The following BCL2L13 variants were observed in gnomAD, a reference collection of about 807,000 sequenced individuals.
BCL2L13 encodes the protein BCL2 like 13, also known as bcl-2-like protein 13.
BCL2L13 carries 13 observed loss-of-function variants against 25.8 expected under a neutral mutation model. The ratio of observed to expected loss-of-function variants is 0.50; its 90% CI spans 0.33 to 0.80. BCL2L13 has a LOEUF of 0.80. Among genes scored for constraint, BCL2L13 ranks in the 30% least tolerant of loss-of-function variants. BCL2L13 has a pLI of 0.02. For synonymous variants in BCL2L13, 244 were observed against 230.3 expected, an observed-to-expected ratio of 1.06 and a Z score of -0.54; for missense variants, 504 against 574.9, an observed-to-expected ratio of 0.88 and a Z score of 1.26.
At chr22:17,687,818 C>CCT (rs1568975234) in intron 3 of BCL2L13, among the ~76,000 whole-genome samples, 5 of 130,710 alleles carry the variant, frequency 3.8e-5, no homozygotes, top group African/African-American at 1.1e-4. Context: ...CACCCGGCCC[C>CCT]TTTTTTTTTT....
intron 2 of BCL2L13, among the ~76,000 whole-genome samples, chr22:17,660,005 G>A (rs1359600980): frequency 6.8e-6 from 1 of 146,026 alleles, no homozygotes; most frequent in Non-Finnish European, 1.6e-5. Flanking sequence ...ACAGGCACGC[G>A]CCACTGCGCC....
intron 2 of BCL2L13, among the ~76,000 whole-genome samples, chr22:17,672,091 A>G (rs2059436058): frequency 6.6e-6 from 1 of 152,174 alleles, no homozygotes; most frequent in Non-Finnish European, 1.5e-5. Context: ...GAACAATTGA[A>G]CCATTCTGTC....
At chr22:17,706,533 G>T (rs556341274) in intron 6 of BCL2L13, 1 of 303,646 alleles carries the variant, frequency 3.3e-6, no homozygotes, top group African/African-American at 2.3e-5. Context: ...ATAATGATGT[G>T]AAAGTGTTTT....
intron 1 of BCL2L13, among the ~76,000 whole-genome samples, chr22:17,650,920 C>G (rs991122090): frequency 1.5e-4 from 23 of 151,800 alleles, no homozygotes; most frequent in Non-Finnish European, 1.5e-5. Flanking sequence ...CTCAAGCAGT[C>G]CTCTTGCCTC....
upstream of BCL2L13, among the ~76,000 whole-genome samples, chr22:17,635,414 A>G (rs1033638745): frequency 6.7e-6 from 1 of 148,562 alleles, no homozygotes; most frequent in Admixed American, 6.7e-5. Context: ...CAAATACCAT[A>G]AACTGCTGTG....
At chr22:17,670,038 G>A (rs1158405383) in intron 2 of BCL2L13, among the ~76,000 whole-genome samples, 2 of 152,088 alleles carry the variant, frequency 1.3e-5, no homozygotes, top group African/African-American at 4.8e-5. Context: ...TTCTCCCATT[G>A]GTTGACCTTG....
intron 2 of BCL2L13, among the ~76,000 whole-genome samples, chr22:17,680,611 G>C (rs2059721941): frequency 6.6e-6 from 1 of 151,048 alleles, no homozygotes; most frequent in South Asian, 2.1e-4. Flanking sequence ...TTCTCCAGCT[G>C]GCTCTCCGAG....
chr22:17,661,200 C>T (rs2059055045), intron 2 of BCL2L13, among the ~76,000 whole-genome samples: 1 of 145,968 alleles, frequency 6.9e-6, no homozygotes. Flanking sequence ...TCAAGCAATT[C>T]TCCTGCCTCA....
chr22:17,717,317 A>G (rs1410596533), intron 6 of BCL2L13, among the ~76,000 whole-genome samples: 2 of 146,148 alleles, frequency 1.4e-5, no homozygotes, highest in Non-Finnish European at 3.0e-5. Context: ...AAAATACAAA[A>G]ATTAGAAGAG....
At chr22:17,715,171 T>TATATATATATATATATATATA (rs1183781107) in intron 6 of BCL2L13, among the ~76,000 whole-genome samples, 1 of 6,630 alleles carries the variant, frequency 1.5e-4, no homozygotes, top group South Asian at 7.4e-3. Flanking sequence ...TATATATATA[T>TATATATATATATATATATATA]TTTTTTTTTT....
intron 2 of BCL2L13, among the ~76,000 whole-genome samples, chr22:17,660,599 A>G (rs1270705398): frequency 4.9e-5 from 7 of 143,882 alleles, no homozygotes; most frequent in African/African-American, 1.7e-4. Context: ...TAATTTTTTT[A>G]TTTTTCGTAG....
chr22:17,714,344 TG>T (rs2060852525), intron 6 of BCL2L13, among the ~76,000 whole-genome samples: 1 of 151,016 alleles, frequency 6.6e-6, no homozygotes, highest in Non-Finnish European at 1.5e-5. Flanking sequence ...CCCAGCTACT[TG>T]GGAGGCTGAG....
intron 2 of BCL2L13, among the ~76,000 whole-genome samples, chr22:17,674,229 CAGAATT>C (rs1037635158): frequency 1.3e-5 from 2 of 152,200 alleles, no homozygotes; most frequent in Admixed American, 6.5e-5. Flanking sequence ...CAAGGATAGA[CAGAATT>C]TGAATTATCA....
upstream of BCL2L13, among the ~76,000 whole-genome samples, chr22:17,635,087 C>T (rs1051244310): frequency 2.6e-5 from 4 of 151,878 alleles, no homozygotes; most frequent in African/African-American, 9.7e-5. Flanking sequence ...AAAATCTGTC[C>T]AAAACTCCCC....
chr22:17,691,065 A>G (rs907899324), intron 4 of BCL2L13, among the ~76,000 whole-genome samples: 2 of 151,868 alleles, frequency 1.3e-5, no homozygotes, highest in African/African-American at 2.4e-5. Flanking sequence ...GGGTCTCACT[A>G]TGTTACCCAG....
intron 6 of BCL2L13, chr22:17,706,846 T>C (rs765625330): frequency 3.0e-6 from 4 of 1,351,154 alleles, no homozygotes; most frequent in South Asian, 1.1e-5. Flanking sequence ...TATTTTACTT[T>C]CTCCGTCGTC....
chr22:17,727,494 C>T lies in BCL2L13; in HGVS notation c.1418C>T (p.Ala473Val). ...FGGAAAVAILAVAIGVALALR... is the reference protein window; with the variant it reads ...FGGAAAVAILVVAIGVALALR... ...GGGGCTGCTGCTGTTGCCATCCTGG[C>T]AGTGGCCATCGGGGTAGCCCTGGCT... The change falls in exon 7 of 7, where the codon GCA becomes GTA. Residue 473 changes from alanine to valine, a missense_variant. Physicochemically the swap from Ala to Val is moderately conservative, Grantham distance 64. Coordinates refer to ENST00000317582, the MANE Select transcript of BCL2L13 (RefSeq NM_015367.4). 1 of 1,614,266 alleles carries T rather than the reference C, an allele frequency of 6.2e-7. No individual in the cohort carries two copies. Among genetic ancestry groups the T allele is most frequent in the African/African-American group, 1.3e-5 (1 of 75,078 alleles).
rs1432001368 is a variant in BCL2L13 at position 17,702,405 on chromosome 22, TAAAAATATTTTCTTGAA to T, written c.600+25_600+41del. 1 of 1,514,544 alleles carries T rather than the reference TAAAAATATTTTCTTGAA, an allele frequency of 6.6e-7. No individual in the cohort carries two copies. Among genetic ancestry groups the T allele is most frequent in the African/African-American group, 1.4e-5 (1 of 69,222 alleles). 93.8% of individuals were successfully genotyped at this position (1,514,544 alleles called of 1,614,324 possible). A position where few individuals can be genotyped will look rare whatever the true frequency, so the allele number is the denominator to read the frequency against. The stretch of plus-strand genomic sequence containing the variant: ...TGGCTGGGTATGAGCTGTTATATAT[TAAAAATATTTTCTTGAA>T]AAAAAATTAGGTTTGTTGTTTTTCT... On this transcript the variant is annotated intron_variant, in intron 6 of 6. Coordinates refer to ENST00000317582, the MANE Select transcript of BCL2L13 (RefSeq NM_015367.4).
chr22:17,652,926 G>A (rs935316516), intron 1 of BCL2L13, among the ~76,000 whole-genome samples: 7 of 152,112 alleles, frequency 4.6e-5, no homozygotes, highest in African/African-American at 7.2e-5. Flanking sequence ...TTAGCCGGGC[G>A]TGGTGGCGGG....
Sources: gnomAD v4.1 joint callset for allele counts (sites outside exome capture counted in the v4.1 genomes callset) on GRCh38, gnomAD v4.1.1 for gene constraint, MANE v1.5 for transcripts, NCBI Gene and HGNC (gene_info 2026-07-23, HGNC 2026-07-21) for gene names.